The following SPPL3 variants were observed in gnomAD, a reference collection of about 807,000 sequenced individuals.
SPPL3 encodes the protein signal peptide peptidase-like 3.
A neutral mutation model predicts 42.4 loss-of-function variants in SPPL3; 5 were observed. The ratio of observed to expected loss-of-function variants is 0.12; its 90% CI spans 0.06 to 0.25. The LOEUF (loss-of-function observed/expected upper bound fraction) is 0.25, where lower values mean the gene tolerates loss of function less well. SPPL3 is among the 10% of genes least tolerant of loss of function. The pLI, the probability that SPPL3 is intolerant of heterozygous loss-of-function variation, is 1.00. For missense variants in SPPL3, 235 were observed against 489.0 expected (o/e 0.48, Z 4.90); for synonymous variants, 195 against 181.8 (o/e 1.07, Z -0.58).
chr12:120,764,937 A>C lies in SPPL3; in HGVS notation c.*62T>G, dbSNP rs1868825221. On this transcript the variant is annotated 3_prime_UTR_variant, in exon 11 of 11. Coordinates refer to ENST00000353487, the MANE Select transcript of SPPL3 (RefSeq NM_139015.5). ...AGTACCAGGCCAGCTCTAAGAGGAA[A>C]CAAACCATGAGTTGAGAGAAAAGGA... The C allele has an allele frequency of 6.4e-7, 1 of 1,571,266 alleles. No individual in the cohort carries two copies. The highest frequency in any genetic ancestry group is 8.7e-7 in the Non-Finnish European group (1 of 1,148,962).
intron 1 of SPPL3, among the ~76,000 whole-genome samples, chr12:120,885,826 G>GTA (rs1164773995): frequency 6.7e-6 from 1 of 148,890 alleles, no homozygotes; most frequent in African/African-American, 2.5e-5. Context: ...TAAGCTGTGA[G>GTA]TAAAGTCATT....
chr12:120,901,333 C>T (rs1209484332), intron 1 of SPPL3, among the ~76,000 whole-genome samples: 1 of 151,978 alleles, frequency 6.6e-6, no homozygotes, highest in African/African-American at 2.4e-5. Context: ...TGGTTCATGC[C>T]TGCAATCCCA....
At position 120,783,709 on chromosome 12, in the gene SPPL3, G is replaced by A; in HGVS notation, c.354C>T (p.Cys118=). 1 of 1,613,686 alleles carries A rather than the reference G, an allele frequency of 6.2e-7. No homozygotes were observed. Among genetic ancestry groups the A allele is most frequent in the Non-Finnish European group, 8.5e-7 (1 of 1,179,774 alleles). The change falls in exon 5 of 11, where the codon TGC becomes TGT. Residue 118 remains cysteine (C), a synonymous_variant. Transcript: ENST00000353487. ...GTGAGCAGGGTCTTGTTAAATACTG[G>A]CACATCGGGAGGAGAAGAAAAGCAA... is the stretch of plus-strand genomic sequence containing the variant. ...IAFAFLLLPM[C]QYLTRPCSPQ...
chr12:120,813,067 T>C (rs1296591715), intron 1 of SPPL3, among the ~76,000 whole-genome samples: 2 of 151,938 alleles, frequency 1.3e-5, no homozygotes, highest in Non-Finnish European at 2.9e-5. Context: ...TTTTGAAAAG[T>C]GCAGGGAAAA....
intron 2 of SPPL3, among the ~76,000 whole-genome samples, chr12:120,798,398 TTTCCTAA>T (rs1445278113): frequency 1.3e-5 from 2 of 152,200 alleles, no homozygotes; most frequent in African/African-American, 2.4e-5. Flanking sequence ...TGAAAAACTT[TTTCCTAA>T]TTAGTTCCAC....
chr12:120,871,402 C>T (rs10849806), intron 1 of SPPL3, among the ~76,000 whole-genome samples: 29,486 of 152,004 alleles, frequency 0.19, 4,513 homozygotes, highest in African/African-American at 0.41. Context: ...CTGGTATCCA[C>T]GGGGGATTGA....
chr12:120,850,401 G>A (rs1336357891), intron 1 of SPPL3, among the ~76,000 whole-genome samples: 1 of 149,140 alleles, frequency 6.7e-6, no homozygotes, highest in Non-Finnish European at 1.5e-5. Flanking sequence ...AAGGCCAAAT[G>A]AATGCACAGC....
chr12:120,819,168 G>A (rs946019085), intron 1 of SPPL3, among the ~76,000 whole-genome samples: 11 of 152,094 alleles, frequency 7.2e-5, no homozygotes, highest in African/African-American at 2.4e-4. Context: ...TTCAACAAGT[G>A]GTAATTTCTT....
intron 1 of SPPL3, among the ~76,000 whole-genome samples, chr12:120,847,231 AAAG>A (rs1172834125): frequency 6.6e-6 from 1 of 152,182 alleles, no homozygotes; most frequent in Non-Finnish European, 1.5e-5. Context: ...AGAGAGGGAA[AAAG>A]AAGAATTTAG....
rs182252977 is a variant in SPPL3 at position 120,762,669 on chromosome 12, C to T, written c.*2330G>A. The T allele has an allele frequency of 3.1e-4, 47 of 150,556 alleles. No individual in the cohort carries two copies. Among genetic ancestry groups the T allele is most frequent in the African/African-American group, 1.1e-3 (45 of 40,820 alleles). 9.3% of individuals were successfully genotyped at this position (150,556 alleles called of 1,614,324 possible). On this transcript the variant is annotated 3_prime_UTR_variant, in exon 11 of 11. Transcript: ENST00000353487. ...AGTGCAGTGGCGCAATCTCTGCTCACTGCAACCTCCGCCTTCCAGGTTCAA... is the reference window on the plus strand; with the variant it reads ...AGTGCAGTGGCGCAATCTCTGCTCATTGCAACCTCCGCCTTCCAGGTTCAA...
chr12:120,897,990 T>C (rs1873860435), intron 1 of SPPL3, among the ~76,000 whole-genome samples: 1 of 152,030 alleles, frequency 6.6e-6, no homozygotes, highest in Non-Finnish European at 1.5e-5. Flanking sequence ...CTCAATATAA[T>C]ACAGCCCTGA....
chr12:120,889,110 G>A (rs540308952), intron 1 of SPPL3, among the ~76,000 whole-genome samples: 49 of 152,158 alleles, frequency 3.2e-4, no homozygotes, highest in African/African-American at 1.2e-3. Context: ...CACCACACCC[G>A]GCCCGTGAAT....
intron 1 of SPPL3, among the ~76,000 whole-genome samples, chr12:120,831,283 G>A (rs557859940): frequency 9.9e-5 from 15 of 152,112 alleles, no homozygotes; most frequent in Non-Finnish European, 1.8e-4. Context: ...ATCTCTGCCC[G>A]AGCCAATTCC....
intron 1 of SPPL3, among the ~76,000 whole-genome samples, chr12:120,853,088 G>C (rs964957390): frequency 7.3e-5 from 11 of 151,440 alleles, no homozygotes; most frequent in Admixed American, 6.6e-4. Flanking sequence ...GTGGAGACAG[G>C]GTTTGACTGT....
intron 1 of SPPL3, among the ~76,000 whole-genome samples, chr12:120,894,666 C>T (rs1238083482): frequency 1.3e-5 from 2 of 152,158 alleles, no homozygotes; most frequent in East Asian, 1.9e-4. Context: ...AAACTACTGG[C>T]CAGGCGCAGT....
intron 2 of SPPL3, among the ~76,000 whole-genome samples, chr12:120,802,050 TTTCAGGCTAGAATTAA>T (rs1870314506): frequency 6.6e-6 from 1 of 152,138 alleles, no homozygotes; most frequent in Non-Finnish European, 1.5e-5. Flanking sequence ...CCTAAATTTG[TTTCAGGCTAGAATTAA>T]TTCAGTTGCA....
chr12:120,805,261 T>C (rs568077848), intron 2 of SPPL3, among the ~76,000 whole-genome samples: 2 of 152,206 alleles, frequency 1.3e-5, no homozygotes, highest in Non-Finnish European at 2.9e-5. Flanking sequence ...AAATATACTA[T>C]ATAAATTAAA....
At chr12:120,855,293 C>G (rs998523108) in intron 1 of SPPL3, among the ~76,000 whole-genome samples, 1 of 152,160 alleles carries the variant, frequency 6.6e-6, no homozygotes, top group African/African-American at 2.4e-5. Context: ...CAATTAGAAA[C>G]TGACAAATGT....
chr12:120,862,585 AAAAT>A (rs1482531144), intron 1 of SPPL3, among the ~76,000 whole-genome samples: 1 of 152,234 alleles, frequency 6.6e-6, no homozygotes, highest in African/African-American at 2.4e-5. Context: ...CAGGAGCAGA[AAAAT>A]AAAAGACATG....
Sources: gnomAD v4.1 joint callset for allele counts (sites outside exome capture counted in the v4.1 genomes callset) on GRCh38, gnomAD v4.1.1 for gene constraint, MANE v1.5 for transcripts, NCBI Gene and HGNC (gene_info 2026-07-23, HGNC 2026-07-21) for gene names.